VPS8: variants seen among roughly 807,000 people sequenced by gnomAD.
VPS8 encodes vacuolar protein sorting-associated protein 8 homolog.
A neutral mutation model predicts 216.4 loss-of-function variants in VPS8; 129 were observed. The observed-to-expected ratio is 0.60, with a 90% CI of 0.52 to 0.69. The LOEUF (loss-of-function observed/expected upper bound fraction) is 0.69, where lower values mean the gene tolerates loss of function less well. Among genes scored for constraint, VPS8 ranks in the 30% least tolerant of loss-of-function variants. The pLI, the probability that VPS8 is intolerant of heterozygous loss-of-function variation, is 0.00. For missense variants in VPS8, 1,531 were observed against 1,683.5 expected (o/e 0.91, Z 1.59); for synonymous variants, 571 against 565.4 (o/e 1.01, Z -0.14).
chr3:184,915,098 T>G, intron 27 of VPS8, 45 bp downstream of exon 27: 1 of 1,597,034 alleles, frequency 6.3e-7, no homozygotes, highest in Non-Finnish European at 8.6e-7. Flanking sequence ...CCGTCTCTGG[T>G]TAAGACGCAC....
At chr3:184,977,026 A>G (rs1468909402) in intron 40 of VPS8, among the ~76,000 whole-genome samples, 1 of 152,140 alleles carries the variant, frequency 6.6e-6, no homozygotes, top group Non-Finnish European at 1.5e-5. Flanking sequence ...GGTTCTTTTG[A>G]GAAATCTCCA....
chr3:184,846,115 G>A (rs888034399), intron 8 of VPS8, among the ~76,000 whole-genome samples: 1 of 152,168 alleles, frequency 6.6e-6, no homozygotes, highest in African/African-American at 2.4e-5. Flanking sequence ...TGTAAGGCTT[G>A]TAACTATCTG....
At chr3:184,866,157 A>G (rs1187091762) in intron 16 of VPS8, among the ~76,000 whole-genome samples, 2 of 152,198 alleles carry the variant, frequency 1.3e-5, no homozygotes, top group East Asian at 1.9e-4. Context: ...CTACATATTC[A>G]CTAACTGGTA....
At chr3:184,929,709 C>T in intron 33 of VPS8, 45 bp downstream of exon 33, 2 of 1,172,922 alleles carry the variant, frequency 1.7e-6, no homozygotes, top group Non-Finnish European at 2.3e-6. Context: ...CTCAACTTTC[C>T]CTCTTATTGA....
intron 10 of VPS8, 52 bp from the exon 11 acceptor site, chr3:184,852,448 A>G: frequency 3.2e-6 from 5 of 1,543,298 alleles, no homozygotes; most frequent in Non-Finnish European, 4.4e-6. Context: ...TTTCCTCCTT[A>G]ATACTTGACT....
At chr3:184,835,955 C>T (rs541019473) in intron 5 of VPS8, among the ~76,000 whole-genome samples, 3 of 152,130 alleles carry the variant, frequency 2.0e-5, no homozygotes, top group South Asian at 4.2e-4. Flanking sequence ...GTGATCCGCC[C>T]GCCTCAGCCT....
intron 19 of VPS8, 30 bp from the exon 20 acceptor site, chr3:184,869,452 G>GT (rs750882135): frequency 4.3e-6 from 7 of 1,611,138 alleles, no homozygotes; most frequent in South Asian, 2.2e-5. Context: ...ACTAACTTTT[G>GT]TTTTTTTGTT....
chr3:184,942,033 A>G (rs1232782911), intron 36 of VPS8, among the ~76,000 whole-genome samples: 1 of 152,192 alleles, frequency 6.6e-6, no homozygotes, highest in Non-Finnish European at 1.5e-5. Context: ...GGAGGTAGGC[A>G]TTGATGTAGA....
At chr3:184,999,150 C>T (rs570480688) in intron 44 of VPS8, among the ~76,000 whole-genome samples, 163 of 152,268 alleles carry the variant, frequency 1.1e-3, no homozygotes, top group Middle Eastern at 3.4e-3. Flanking sequence ...CTCCGCCTCC[C>T]GGGTTGAAGC....
intron 22 of VPS8, among the ~76,000 whole-genome samples, chr3:184,887,610 G>T (rs1002096243): frequency 6.6e-6 from 1 of 152,192 alleles, no homozygotes; most frequent in Non-Finnish European, 1.5e-5. Context: ...GGTGGCAAAG[G>T]TGGGATTCAA....
chr3:185,034,766 A>G (rs1183542614), intron 46 of VPS8, among the ~76,000 whole-genome samples: 1 of 151,876 alleles, frequency 6.6e-6, no homozygotes, highest in African/African-American at 2.4e-5. Context: ...GCTTTTGGAG[A>G]CTTAGCAAAA....
At chr3:184,832,856 A>C in intron 4 of VPS8, 37 bp downstream of exon 4, 2 of 1,587,004 alleles carry the variant, frequency 1.3e-6, no homozygotes, top group Non-Finnish European at 1.7e-6. Context: ...CTTACAGTTG[A>C]AGTATTCAAT....
At chr3:184,837,412 A>G (rs1470944859) in intron 5 of VPS8, among the ~76,000 whole-genome samples, 1 of 152,216 alleles carries the variant, frequency 6.6e-6, no homozygotes, top group Non-Finnish European at 1.5e-5. Context: ...GTGAGGTCTT[A>G]CTAGAGTTTT....
At chr3:184,869,984 A>G (rs528566291) in intron 20 of VPS8, among the ~76,000 whole-genome samples, 2 of 152,100 alleles carry the variant, frequency 1.3e-5, no homozygotes, top group South Asian at 4.1e-4. Context: ...TCACTCTTTT[A>G]TGAAGATAAT....
chr3:184,986,056 G>T (rs1174213774), intron 42 of VPS8, among the ~76,000 whole-genome samples: 1 of 152,076 alleles, frequency 6.6e-6, no homozygotes, highest in Non-Finnish European at 1.5e-5. Context: ...TAACTTTTTT[G>T]AGTAAGTTAG....
At chr3:185,028,912 C>T (rs1262407916) in intron 46 of VPS8, among the ~76,000 whole-genome samples, 1 of 152,106 alleles carries the variant, frequency 6.6e-6, no homozygotes, top group Non-Finnish European at 1.5e-5. Context: ...GAGAGATGCA[C>T]GAAAGAGATT....
intron 19 of VPS8, 40 bp from the exon 20 acceptor site, chr3:184,869,442 A>T: frequency 1.2e-6 from 2 of 1,605,168 alleles, no homozygotes; most frequent in Non-Finnish European, 1.7e-6. Context: ...AAAGATGTGG[A>T]CTAACTTTTG....
At chr3:184,814,123 A>G (rs191324738) in intron 1 of VPS8, among the ~76,000 whole-genome samples, 270 of 152,338 alleles carry the variant, frequency 1.8e-3, no homozygotes, top group Non-Finnish European at 2.6e-3. Flanking sequence ...TGTAATAGCA[A>G]TTATACTTTT....
At chr3:184,893,196 A>C in intron 22 of VPS8, 1 of 1,148,986 alleles carries the variant, frequency 8.7e-7, no homozygotes, top group South Asian at 1.7e-5. Context: ...GTTCTGGTGC[A>C]GTTGTAGCCA....
Sources: gnomAD v4.1 joint callset for allele counts (sites outside exome capture counted in the v4.1 genomes callset) on GRCh38, gnomAD v4.1.1 for gene constraint, MANE v1.5 for transcripts, NCBI Gene and HGNC (gene_info 2026-07-23, HGNC 2026-07-21) for gene names.